HEATR5B: variants seen among roughly 807,000 people sequenced by gnomAD.
The protein encoded by HEATR5B is HEAT repeat containing 5B, also known as HEAT repeat-containing protein 5B.
In HEATR5B, 156 loss-of-function variants were observed where a neutral mutation model predicts 224.1. The ratio of observed to expected loss-of-function variants is 0.70; its 90% CI spans 0.61 to 0.80. The LOEUF (loss-of-function observed/expected upper bound fraction) is 0.80. Ranked by LOEUF, HEATR5B falls within the 30% of genes least tolerant of loss-of-function variation. HEATR5B has a pLI of 0.00. For missense variants in HEATR5B, 2,323 were observed against 2,535.5 expected, an observed-to-expected ratio of 0.92 and a Z score of 1.80; for synonymous variants, 1,027 against 893.0, an observed-to-expected ratio of 1.15 and a Z score of -2.68.
chr2:37,068,971 A>T (rs367770105), intron 7 of HEATR5B, 41 bp from the exon 8 acceptor site: 36 of 1,570,634 alleles, frequency 2.3e-5, no homozygotes, highest in Non-Finnish European at 2.9e-5. Flanking sequence ...ACACTTACAT[A>T]ACTGAACAGA....
At chr2:36,983,558 A>C (rs1051454812) in intron 35 of HEATR5B, among the ~76,000 whole-genome samples, 3 of 151,502 alleles carry the variant, frequency 2.0e-5, no homozygotes, top group African/African-American at 7.3e-5. Flanking sequence ...AAACAAAACA[A>C]AACAAAAAAA....
At chr2:36,989,391 A>G (rs748102264) in intron 34 of HEATR5B, among the ~76,000 whole-genome samples, 131 of 152,100 alleles carry the variant, frequency 8.6e-4, no homozygotes, top group Non-Finnish European at 1.1e-3. Context: ...GCCAATTCCC[A>G]TATTTTAATA....
intron 9 of HEATR5B, among the ~76,000 whole-genome samples, 197 bp downstream of exon 9, chr2:37,065,558 C>T (rs1305334580): frequency 6.6e-6 from 1 of 152,148 alleles, no homozygotes. Flanking sequence ...ACCTGCCCAC[C>T]AGGGCCTCCC....
chr2:37,047,184 A>T (rs986830523), intron 18 of HEATR5B, among the ~76,000 whole-genome samples: 1 of 152,014 alleles, frequency 6.6e-6, no homozygotes, highest in Non-Finnish European at 1.5e-5. Context: ...TCTCAAAAAA[A>T]AAAAATAAAT....
At chr2:36,991,688 CCAAA>C (rs1237313378) in intron 33 of HEATR5B, among the ~76,000 whole-genome samples, 3 of 152,010 alleles carry the variant, frequency 2.0e-5, no homozygotes, top group African/African-American at 7.3e-5. Context: ...AATACGAGTT[CCAAA>C]CATTTTGTGA....
At chr2:37,028,214 A>C (rs755872012) in intron 23 of HEATR5B, 40 bp from the exon 24 acceptor site, 17 of 1,354,302 alleles carry the variant, frequency 1.3e-5, no homozygotes. Flanking sequence ...ATCTCACATA[A>C]GCAAAAATGA....
intron 20 of HEATR5B, among the ~76,000 whole-genome samples, chr2:37,039,477 C>T (rs552458067): frequency 2.0e-5 from 3 of 152,038 alleles, no homozygotes; most frequent in Non-Finnish European, 4.4e-5. Flanking sequence ...AGAATGCAAG[C>T]ATCGGAAATT....
At chr2:37,038,050 A>G (rs139662639) in intron 20 of HEATR5B, 26 bp from the exon 21 acceptor site, 2 of 1,416,882 alleles carry the variant, frequency 1.4e-6, no homozygotes, top group Non-Finnish European at 9.4e-7. Context: ...AGAAAATATA[A>G]AATATAATTA....
intron 8 of HEATR5B, among the ~76,000 whole-genome samples, chr2:37,067,904 A>C (rs954281650): frequency 2.0e-5 from 3 of 152,162 alleles, no homozygotes; most frequent in Non-Finnish European, 2.9e-5. Flanking sequence ...TAAAAAATAA[A>C]TTATTGATAT....
chr2:37,061,994 T>G lies in HEATR5B; in HGVS notation c.1641A>C (p.Leu547=). 1 of 1,614,010 alleles carries G rather than the reference T, an allele frequency of 6.2e-7. No homozygotes were observed. The highest frequency in any genetic ancestry group is 1.1e-5 in the South Asian group (1 of 91,084). ...LLRTAAQNSR[L]SLQRTQAGWL... Reference sequence around the variant, plus strand: ...AGCCAGCTTGGGTGCGCTGTAAAGATAGCCTGCTATTTTGGGCAGCAGTTC... The same window carrying G: ...AGCCAGCTTGGGTGCGCTGTAAAGAGAGCCTGCTATTTTGGGCAGCAGTTC... Residue 547 remains leucine (L), a synonymous_variant, in exon 11 of 36, where the codon CTA becomes CTC. Coordinates refer to ENST00000233099, the MANE Select transcript of HEATR5B (RefSeq NM_019024.3).
chr2:36,999,025 C>T (rs1415324157), intron 33 of HEATR5B, among the ~76,000 whole-genome samples: 3 of 151,940 alleles, frequency 2.0e-5, no homozygotes, highest in Non-Finnish European at 4.4e-5. Flanking sequence ...CCAGGCTGGC[C>T]AACATGGTGA....
At chr2:36,983,745 G>C (rs1037595758) in intron 35 of HEATR5B, among the ~76,000 whole-genome samples, 1 of 151,630 alleles carries the variant, frequency 6.6e-6, no homozygotes, top group Non-Finnish European at 1.5e-5. Flanking sequence ...AAAGTTAATA[G>C]TATTATAAAA....
chr2:36,999,785 A>G (rs1451350433), intron 33 of HEATR5B, among the ~76,000 whole-genome samples: 1 of 152,058 alleles, frequency 6.6e-6, no homozygotes, highest in Non-Finnish European at 1.5e-5. Context: ...AGGCCAAGGC[A>G]GGCAGATCAT....
chr2:37,049,022 C>A (rs1038906276), intron 18 of HEATR5B, among the ~76,000 whole-genome samples: 6 of 152,092 alleles, frequency 3.9e-5, no homozygotes, highest in African/African-American at 1.4e-4. Flanking sequence ...TTCTTGACAA[C>A]CCTTGATTTT....
chr2:37,048,737 T>C (rs1363519429), intron 18 of HEATR5B, among the ~76,000 whole-genome samples: 1 of 152,256 alleles, frequency 6.6e-6, no homozygotes, highest in African/African-American at 2.4e-5. Context: ...AGATTAAGTG[T>C]CTGGTTATAT....
Position 37,002,368 on chromosome 2 carries a change from G to T in HEATR5B, c.5255C>A (p.Ala1752Asp). The T allele has an allele frequency of 6.2e-7, 1 of 1,614,222 alleles. No homozygotes were observed. The highest frequency in any genetic ancestry group is 8.5e-7 in the Non-Finnish European group (1 of 1,180,036). Residue 1752 changes from alanine (A) to aspartate (D), a missense_variant, in exon 32 of 36, where the codon GCT (alanine) becomes GAT (aspartate). Coordinates refer to ENST00000233099, the MANE Select transcript of HEATR5B (RefSeq NM_019024.3). ...ATKTRLSEES[A>D]RLVAATVTIL... ...GGTAACTGTGGCTGCCACCAAACGAGCACTTTCTTCTGATAGTCGAGTTTT... is the reference window on the plus strand; with the variant it reads ...GGTAACTGTGGCTGCCACCAAACGATCACTTTCTTCTGATAGTCGAGTTTT...
At position 37,032,739 on chromosome 2, in the gene HEATR5B, C is replaced by T. The variant is rs774231805; in HGVS notation, c.3251G>A (p.Arg1084Gln). Residue 1084 changes from arginine (R) to glutamine (Q), a missense_variant, in exon 22 of 36, where the codon CGA becomes CAA. This residue lies in a region of HEATR5B where 88 missense variants were observed against 86.8 expected (regional missense o/e 1.01). Coordinates refer to ENST00000233099, the MANE Select transcript of HEATR5B (RefSeq NM_019024.3). Reference protein sequence around the residue: ...HLCSSHLLLRRAAVACLRQLA... With the variant: ...HLCSSHLLLRQAAVACLRQLA... ...TTGCCGAAGACATGCCACAGCTGCT[C>T]GTCGAAGTAACAAATGGGAACTACA... is the stretch of plus-strand genomic sequence containing the variant. 1.2e-6 allele frequency: 2 copies of T among 1,613,916 alleles called. No homozygotes were observed. Among genetic ancestry groups the T allele is most frequent in the Non-Finnish European group, 1.7e-6 (2 of 1,179,946 alleles).
intron 2 of HEATR5B, among the ~76,000 whole-genome samples, chr2:37,082,324 C>T (rs1672633641): frequency 6.6e-6 from 1 of 151,926 alleles, no homozygotes; most frequent in Admixed American, 6.6e-5. Flanking sequence ...AGGTGATCCA[C>T]CCACCTCAGC....
chr2:37,049,590 G>C, intron 18 of HEATR5B, 63 bp downstream of exon 18: 1 of 1,387,278 alleles, frequency 7.2e-7, no homozygotes, highest in Non-Finnish European at 1.0e-6. Flanking sequence ...AACTCCAGTT[G>C]ATTATTATTT....
Sources: allele counts gnomAD v4.1 joint callset (sites outside exome capture counted in the v4.1 genomes callset), GRCh38; gene constraint gnomAD v4.1.1; regional missense constraint gnomAD v4.1.1; transcripts MANE v1.5; gene names NCBI Gene and HGNC (gene_info 2026-07-23, HGNC 2026-07-21).